Variants in MKNK1 observed in about 807,000 individuals in gnomAD.
The protein encoded by MKNK1 is MAP kinase-interacting serine/threonine-protein kinase 1.
MKNK1 carries 30 observed loss-of-function variants against 49.3 expected under a neutral mutation model. The observed-to-expected ratio is 0.61, with a 90% CI of 0.46 to 0.83. MKNK1 has a LOEUF of 0.83. MKNK1 is among the 40% of genes least tolerant of loss of function. The pLI is 0.00. For synonymous variants in MKNK1, 176 were observed against 201.7 expected (o/e 0.87, Z 1.08); for missense variants, 423 against 524.7 (o/e 0.81, Z 1.89).
chr1:46,594,239 G>A lies in MKNK1; in HGVS notation c.-129C>T. 2 of 963,606 alleles carry A rather than the reference G, an allele frequency of 2.1e-6. No homozygotes were observed. Among genetic ancestry groups the A allele is most frequent in the Non-Finnish European group, 3.4e-6 (2 of 591,294 alleles). 59.7% of individuals were successfully genotyped at this position (963,606 alleles called of 1,614,324 possible). A position where few individuals can be genotyped will look rare whatever the true frequency, so the allele number is the denominator to read the frequency against. ...AGTGTCTCAATGGCCTTTGTGCGTAGGTGGCAATCTTCAGTTCTCCATCGG... is the reference window on the plus strand; with the variant it reads ...AGTGTCTCAATGGCCTTTGTGCGTAAGTGGCAATCTTCAGTTCTCCATCGG... On this transcript the variant is annotated 5_prime_UTR_variant, in exon 2 of 13. Coordinates refer to ENST00000371945, the MANE Select transcript of MKNK1 (RefSeq NM_001135553.4).
chr1:46,572,115 G>A lies in MKNK1; in HGVS notation c.405C>T (p.Ala135=). Residue 135 remains alanine (A), a synonymous_variant, in exon 7 of 13, where the codon GCC becomes GCT. Coordinates refer to ENST00000371945, the MANE Select transcript of MKNK1 (RefSeq NM_001135553.4). ...QKQKHFNERE[A]SRVVRDVAAA... ...CAGCAACGTCCCGCACCACTCGGCTGGCTTCTCGCTCATTGAAGTGCTTTT... is the reference window on the plus strand; with the variant it reads ...CAGCAACGTCCCGCACCACTCGGCTAGCTTCTCGCTCATTGAAGTGCTTTT... The A allele has an allele frequency of 6.2e-7, 1 of 1,614,172 alleles. No individual in the cohort carries two copies. Among genetic ancestry groups the A allele is most frequent in the Non-Finnish European group, 8.5e-7 (1 of 1,180,010 alleles).
chr1:46,602,832 A>C (rs1390303663), intron 1 of MKNK1, among the ~76,000 whole-genome samples: 1 of 152,206 alleles, frequency 6.6e-6, no homozygotes, highest in African/African-American at 2.4e-5. Flanking sequence ...AAGGGCACCC[A>C]TGAAGAGGAT....
chr1:46,598,950 A>G (rs1674401098), intron 1 of MKNK1, among the ~76,000 whole-genome samples: 1 of 152,246 alleles, frequency 6.6e-6, no homozygotes, highest in Non-Finnish European at 1.5e-5. Flanking sequence ...ATCAGCATCT[A>G]TAAAATGGGG....
In MKNK1 at chr1:46,580,543, T is replaced by TC. The variant is rs768286148; in HGVS notation, c.184dup (p.Glu62GlyfsTer17). ...TGAGACACTCACTTTGACGGCATACTCTTTGCCATTCTGTAGGCTCACGGC... is the reference window on the plus strand; with the variant it reads ...TGAGACACTCACTTTGACGGCATACTCCTTTGCCATTCTGTAGGCTCACGGC... On this transcript the variant is annotated frameshift_variant, in exon 4 of 13. Coordinates refer to ENST00000371945, the MANE Select transcript of MKNK1 (RefSeq NM_001135553.4). LOFTEE classifies it high-confidence loss of function. The TC allele has an allele frequency of 6.2e-7, 1 of 1,613,094 alleles. No individual in the cohort carries two copies. Among genetic ancestry groups the TC allele is most frequent in the South Asian group, 1.1e-5 (1 of 91,064 alleles).
At chr1:46,587,007 G>A (rs1430696004) in intron 2 of MKNK1, among the ~76,000 whole-genome samples, 1 of 152,072 alleles carries the variant, frequency 6.6e-6, no homozygotes. Context: ...ACGGGGTTTC[G>A]CCATGTTGGC....
chr1:46,582,870 T>C (rs946973935), intron 3 of MKNK1: 1 of 485,120 alleles, frequency 2.1e-6, no homozygotes, highest in Non-Finnish European at 4.1e-6. Flanking sequence ...CTTCCTCTTA[T>C]ATAGTTCTAT....
In MKNK1 at chr1:46,580,535, C is replaced by A. The variant is rs760939517; in HGVS notation, c.193G>T (p.Val65Phe). ...VSLQNGKEYA[V>F]KIIEKQAGHS... The stretch of plus-strand genomic sequence containing the variant: ...CATTCAGCTGAGACACTCACTTTGA[C>A]GGCATACTCTTTGCCATTCTGTAGG... Residue 65 changes from valine (V) to phenylalanine (F), a missense_variant, in exon 4 of 13, where the codon GTC becomes TTC. By Grantham distance (50) the Val-to-Phe change is conservative (BLOSUM62 -1). Coordinates refer to ENST00000371945, the MANE Select transcript of MKNK1 (RefSeq NM_001135553.4). 1 of 1,610,870 alleles carries A rather than the reference C, an allele frequency of 6.2e-7. No homozygotes were observed. The highest frequency in any genetic ancestry group is 1.1e-5 in the South Asian group (1 of 91,014).
At chr1:46,600,921 CTT>C (rs531523577) in intron 1 of MKNK1, among the ~76,000 whole-genome samples, 2 of 146,368 alleles carry the variant, frequency 1.4e-5, no homozygotes, top group Non-Finnish European at 3.0e-5. Flanking sequence ...CTTGTGTAAT[CTT>C]TTTTTTTTTT....
chr1:46,588,425 G>C (rs550132893), intron 2 of MKNK1, among the ~76,000 whole-genome samples: 1 of 152,344 alleles, frequency 6.6e-6, no homozygotes, highest in South Asian at 2.1e-4. Flanking sequence ...ATTCAGTGAT[G>C]AAAGAAACAT....
Position 46,589,072 on chromosome 1 carries a change from G to A in MKNK1, c.-3+5041C>T, listed in dbSNP as rs1157704948. On this transcript the variant is annotated intron_variant, in intron 2 of 12. Coordinates refer to ENST00000371945, the MANE Select transcript of MKNK1 (RefSeq NM_001135553.4). The surrounding 1 kb of genome is among the most constrained non-coding windows in gnomAD (Gnocchi z 4.3). The stretch of plus-strand genomic sequence containing the variant: ...CACCACTGACTTACTCTTCAATAAT[G>A]CTATATTTATTGGGCACCTACTGAT... Among the ~76,000 whole-genome samples, 2 of 152,236 alleles carry A rather than the reference G, an allele frequency of 1.3e-5. No homozygotes were observed. Among genetic ancestry groups the A allele is most frequent in the Non-Finnish European group, 2.9e-5 (2 of 68,040 alleles).
At chr1:46,585,238 A>C (rs1672353673) in intron 2 of MKNK1, among the ~76,000 whole-genome samples, 1 of 125,024 alleles carries the variant, frequency 8.0e-6, no homozygotes, top group Non-Finnish European at 1.6e-5. Flanking sequence ...TGACAGAGCA[A>C]GATTCCGTCT....
At chr1:46,584,508 T>C (rs1672221108) in intron 2 of MKNK1, 1 of 151,790 alleles carries the variant, frequency 6.6e-6, no homozygotes, top group Non-Finnish European at 1.5e-5. Context: ...TTTTTTTCTT[T>C]CTTTTTTTTC....
chr1:46,596,640 T>C (rs1345276605), intron 1 of MKNK1, among the ~76,000 whole-genome samples: 2 of 152,244 alleles, frequency 1.3e-5, no homozygotes, highest in African/African-American at 4.8e-5. Flanking sequence ...CTCTGAGCTT[T>C]ACTACCATCA....
intron 2 of MKNK1, among the ~76,000 whole-genome samples, chr1:46,588,303 GT>G (rs1468127897): frequency 6.6e-6 from 1 of 151,978 alleles, no homozygotes; most frequent in East Asian, 1.9e-4. Context: ...TTTAACTCAC[GT>G]TTTATTTTTA....
chr1:46,585,267 A>ATCAGC (rs1276358098), intron 2 of MKNK1, among the ~76,000 whole-genome samples: 11 of 50,458 alleles, frequency 2.2e-4, no homozygotes, highest in Non-Finnish European at 3.2e-4. Context: ...AAAAAAAAAA[A>ATCAGC]AAAAAAAAAA....
chr1:46,561,433 A>C, intron 11 of MKNK1, 45 bp downstream of exon 11: 5 of 1,534,398 alleles, frequency 3.3e-6, no homozygotes, highest in Non-Finnish European at 4.4e-6. Flanking sequence ...TGGCCATGCC[A>C]CAGGCCTGAA....
intron 2 of MKNK1, 104 bp downstream of exon 2, chr1:46,594,009 T>A (rs1326087370): frequency 1.2e-6 from 1 of 816,606 alleles, no homozygotes; most frequent in South Asian, 1.6e-5. Flanking sequence ...ACTAACTAAG[T>A]GCTGAAAACC....
chr1:46,599,044 C>G (rs1256695059), intron 1 of MKNK1, among the ~76,000 whole-genome samples: 1 of 152,206 alleles, frequency 6.6e-6, no homozygotes, highest in Non-Finnish European at 1.5e-5. Flanking sequence ...GCCTGGCATA[C>G]AGTAGGCACC....
intron 7 of MKNK1, 70 bp from the exon 8 acceptor site, chr1:46,568,568 A>G: frequency 1.4e-6 from 2 of 1,446,748 alleles, no homozygotes; most frequent in Non-Finnish European, 1.9e-6. Context: ...CACACAATTA[A>G]TTTTTTCCAA....
Sources: allele counts gnomAD v4.1 joint callset (sites outside exome capture counted in the v4.1 genomes callset), GRCh38; gene constraint gnomAD v4.1.1; non-coding constraint Gnocchi (gnomAD v3.1); transcripts MANE v1.5; gene names NCBI Gene and HGNC (gene_info 2026-07-23, HGNC 2026-07-21).